The following R3HDM1 variants were observed in gnomAD, a reference collection of about 807,000 sequenced individuals.
The protein encoded by R3HDM1 is R3H domain-containing protein 1.
Under a neutral mutation model 141.1 loss-of-function variants are expected in R3HDM1, and 46 were observed. The ratio of observed to expected loss-of-function variants is 0.33; its 90% CI spans 0.26 to 0.42. The LOEUF is 0.42. R3HDM1 is among the 10% of genes least tolerant of loss of function. R3HDM1 has a pLI of 1.00. For missense variants in R3HDM1, 1,184 were observed against 1,368.3 expected, an observed-to-expected ratio of 0.87 and a Z score of 2.12; for synonymous variants, 435 against 472.9, an observed-to-expected ratio of 0.92 and a Z score of 1.04.
At chr2:135,638,829 A>T in intron 13 of R3HDM1, 40 bp downstream of exon 13, 1 of 1,612,504 alleles carries the variant, frequency 6.2e-7, no homozygotes. Context: ...TGAAAAATTA[A>T]AGCATTTTTT....
At chr2:135,649,761 G>T in intron 16 of R3HDM1, 141 bp from the exon 17 acceptor site, 1 of 304,746 alleles carries the variant, frequency 3.3e-6, no homozygotes. Context: ...TGTTTTTGTT[G>T]TTTCCTATGT....
At chr2:135,651,038 A>G in intron 17 of R3HDM1, 1 of 985,432 alleles carries the variant, frequency 1.0e-6, no homozygotes, top group Non-Finnish European at 1.2e-6. Context: ...TGTTTGTCAG[A>G]TAGCACATAA....
intron 1 of R3HDM1, chr2:135,596,870 C>A: frequency 4.0e-6 from 1 of 251,902 alleles, no homozygotes; most frequent in Non-Finnish European, 6.3e-6. Flanking sequence ...TATTTTTGTA[C>A]ATGTCCCTTT....
Position 135,533,879 on chromosome 2 carries a change from G to T in R3HDM1, c.-250+2246G>T, listed in dbSNP as rs1172422583. 4.8e-6 allele frequency: 3 copies of T among 626,748 alleles called. No homozygotes were observed. In the African/African-American group the frequency reaches 6.0e-5, roughly 12 times the overall value. The allele number at this position is 626,748 out of a possible 1,614,324, so 38.8% of individuals were successfully genotyped here. The stretch of plus-strand genomic sequence containing the variant: ...CAAGAGCGAAACTCCATCTTAAAAA[G>T]AAAGAAAACAGAAAATTAGAGGTAA... On this transcript the variant is annotated intron_variant, in intron 1 of 26. Coordinates refer to ENST00000683871, the MANE Select transcript of R3HDM1 (RefSeq NM_001378107.1).
At chr2:135,543,093 C>G in intron 1 of R3HDM1, 1 of 984,246 alleles carries the variant, frequency 1.0e-6, no homozygotes, top group South Asian at 4.7e-5. Flanking sequence ...TAAAAGACCA[C>G]CAACTTGGGG....
chr2:135,692,268 T>C (rs1487046214), intron 21 of R3HDM1, among the ~76,000 whole-genome samples: 1 of 152,082 alleles, frequency 6.6e-6, no homozygotes, highest in Non-Finnish European at 1.5e-5. Flanking sequence ...TGTGGAGTCT[T>C]TATGAATCTT....
intron 3 of R3HDM1, among the ~76,000 whole-genome samples, chr2:135,613,210 C>G (rs184338478): frequency 2.6e-5 from 4 of 152,286 alleles, no homozygotes; most frequent in Admixed American, 1.3e-4. Flanking sequence ...GAATTTGCTT[C>G]AAGGCTTATT....
chr2:135,559,059 G>A (rs1701296685), intron 1 of R3HDM1: 1 of 870,486 alleles, frequency 1.1e-6, no homozygotes. Context: ...AAGTGTGTGT[G>A]TGTGTGTGTG....
At chr2:135,596,051 T>C (rs1459513839) in intron 1 of R3HDM1, among the ~76,000 whole-genome samples, 1 of 152,176 alleles carries the variant, frequency 6.6e-6, no homozygotes, top group Non-Finnish European at 1.5e-5. Context: ...CAGGCTGGAG[T>C]GCAGTGGTGC....
In R3HDM1 at chr2:135,699,553, A is replaced by G. The variant is rs1318226486; in HGVS notation, c.2460-9880A>G. On this transcript the variant is annotated intron_variant, in intron 21 of 26. Transcript: ENST00000683871. ...ATATGGGTAGATGGATAGATATGGC[A>G]GCAAGAGAAATTCTCTTCTGATTGC... Among the ~76,000 whole-genome samples, 10 of 150,358 alleles carry G rather than the reference A, an allele frequency of 6.7e-5. No individual in the cohort carries two copies. The Admixed American group carries it at 6.8e-4, about 10-fold the overall frequency.
chr2:135,621,913 A>G (rs2061545194), intron 6 of R3HDM1: 20 of 979,242 alleles, frequency 2.0e-5, no homozygotes, highest in Non-Finnish European at 2.4e-5. Flanking sequence ...ATCTAAGGAT[A>G]CTATCACTCT....
chr2:135,584,491 G>A (rs554989285), intron 1 of R3HDM1, among the ~76,000 whole-genome samples: 5 of 152,252 alleles, frequency 3.3e-5, no homozygotes, highest in Admixed American at 6.5e-5. Flanking sequence ...TAGAGACACA[G>A]CCAACTCATA....
chr2:135,638,514 A>G (rs2063480837), intron 11 of R3HDM1, 104 bp from the exon 12 acceptor site: 2 of 1,198,406 alleles, frequency 1.7e-6, no homozygotes, highest in Non-Finnish European at 2.4e-6. Flanking sequence ...ACCATTTTTA[A>G]CTTACATTAT....
chr2:135,532,706 T>A (rs1695180599), intron 1 of R3HDM1, among the ~76,000 whole-genome samples: 1 of 152,192 alleles, frequency 6.6e-6, no homozygotes, highest in African/African-American at 2.4e-5. Context: ...ATTTATAATA[T>A]GTGAAACAAG....
At chr2:135,654,875 T>C (rs1478481469) in intron 18 of R3HDM1, among the ~76,000 whole-genome samples, 1 of 147,570 alleles carries the variant, frequency 6.8e-6, no homozygotes, top group Non-Finnish European at 1.5e-5. Flanking sequence ...TGTGTGTGTG[T>C]GTGTGTGTGT....
chr2:135,616,518 T>C (rs2061032425), intron 4 of R3HDM1, 150 bp from the exon 5 acceptor site: 1 of 651,642 alleles, frequency 1.5e-6, no homozygotes, highest in East Asian at 2.8e-5. Flanking sequence ...AGGCCTTCAG[T>C]AGTGTTTAAT....
chr2:135,635,072 C>T (rs1301244924), intron 9 of R3HDM1, among the ~76,000 whole-genome samples: 3 of 152,090 alleles, frequency 2.0e-5, no homozygotes, highest in African/African-American at 4.8e-5. Flanking sequence ...ATTTCATAAT[C>T]GTTACTTTAG....
At chr2:135,544,278 A>G (rs1433234843) in intron 1 of R3HDM1, among the ~76,000 whole-genome samples, 1 of 152,246 alleles carries the variant, frequency 6.6e-6, no homozygotes, top group African/African-American at 2.4e-5. Context: ...AAAACACATC[A>G]TATAGACATT....
chr2:135,630,056 T>TAAAAAAAAAAAAAA (rs766956798), intron 7 of R3HDM1, among the ~76,000 whole-genome samples: 1 of 133,888 alleles, frequency 7.5e-6, no homozygotes. Context: ...AAGGATGATT[T>TAAAAAAAAAAAAAA]AAAAAAAAAA....
Sources: allele counts gnomAD v4.1 joint callset (sites outside exome capture counted in the v4.1 genomes callset), GRCh38; gene constraint gnomAD v4.1.1; transcripts MANE v1.5; gene names NCBI Gene and HGNC (gene_info 2026-07-23, HGNC 2026-07-21).